DYNLT5: variants seen among roughly 807,000 people sequenced by gnomAD.
DYNLT5 encodes the protein dynein light chain Tctex-type 5.
DYNLT5 carries 25 observed loss-of-function variants against 19.3 expected under a neutral mutation model. The observed-to-expected ratio is 1.30, with a 90% CI of 0.95 to 1.81. The LOEUF (loss-of-function observed/expected upper bound fraction) is 1.81, where lower values mean the gene tolerates loss of function less well. Ranked by LOEUF, DYNLT5 falls within the 40% of genes most tolerant of loss-of-function variation. DYNLT5 has a pLI of 0.00. For synonymous variants in DYNLT5, 82 were observed against 68.9 expected, an observed-to-expected ratio of 1.19 and a Z score of -0.94; for missense variants, 232 against 217.9, an observed-to-expected ratio of 1.06 and a Z score of -0.41.
At chr1:66,774,357 G>A (rs1398977076) in intron 3 of DYNLT5, among the ~76,000 whole-genome samples, 8 of 152,146 alleles carry the variant, frequency 5.3e-5, no homozygotes, top group Non-Finnish European at 1.0e-4. Flanking sequence ...AATCAACCAT[G>A]CCCTAGGCTT....
chr1:66,771,911 T>C (rs115478860), intron 3 of DYNLT5, among the ~76,000 whole-genome samples: 2,097 of 152,322 alleles, frequency 0.014, 44 homozygotes, highest in African/African-American at 0.047. Context: ...TGAACCACAT[T>C]AGAAAAGTAA....
chr1:66,766,412 T>C (rs552193316), intron 2 of DYNLT5, among the ~76,000 whole-genome samples: 1 of 152,314 alleles, frequency 6.6e-6, no homozygotes, highest in Non-Finnish European at 1.5e-5. Flanking sequence ...ACTTTTTGGG[T>C]ATCTCACATA....
intron 1 of DYNLT5, 132 bp downstream of exon 1, chr1:66,752,716 A>C: frequency 5.9e-6 from 3 of 504,518 alleles, no homozygotes; most frequent in Non-Finnish European, 7.7e-6. Context: ...TCTCCCCAAC[A>C]CATAAGAAAA....
intron 2 of DYNLT5, among the ~76,000 whole-genome samples, chr1:66,760,213 T>C (rs565671096): frequency 6.6e-6 from 1 of 152,328 alleles, no homozygotes; most frequent in Admixed American, 6.5e-5. Context: ...TTTGCTTGTT[T>C]AGTATTTTAT....
At chr1:66,761,044 C>G (rs2094645192) in intron 2 of DYNLT5, among the ~76,000 whole-genome samples, 1 of 152,192 alleles carries the variant, frequency 6.6e-6, no homozygotes, top group Admixed American at 6.5e-5. Flanking sequence ...TTGTCATGTT[C>G]CTGCCTCTTT....
chr1:66,774,237 AC>A (rs2150868583), intron 3 of DYNLT5, among the ~76,000 whole-genome samples: 1 of 152,222 alleles, frequency 6.6e-6, no homozygotes, highest in East Asian at 1.9e-4. Flanking sequence ...TCACATGGTA[AC>A]TTTTGCCACC....
intron 2 of DYNLT5, among the ~76,000 whole-genome samples, chr1:66,763,860 G>T (rs2150862982): frequency 6.6e-6 from 1 of 152,294 alleles, no homozygotes; most frequent in Middle Eastern, 3.4e-3. Flanking sequence ...TATCATTCAT[G>T]TGTTCACGGA....
At chr1:66,775,825 G>A (rs1645231298) in intron 3 of DYNLT5, among the ~76,000 whole-genome samples, 1 of 152,202 alleles carries the variant, frequency 6.6e-6, no homozygotes, top group South Asian at 2.1e-4. Context: ...GAGCCTGTGA[G>A]GCTGGAGCAG....
intron 2 of DYNLT5, among the ~76,000 whole-genome samples, chr1:66,762,161 A>G (rs188287243): frequency 6.6e-6 from 1 of 152,302 alleles, no homozygotes; most frequent in Non-Finnish European, 1.5e-5. Context: ...TAACCATTTT[A>G]AATTTTATGT....
rs75128813 is a variant in DYNLT5 at position 66,756,913 on chromosome 1, C to T, written c.119+2136C>T. 1.1e-3 allele frequency among the ~76,000 whole-genome samples: 160 copies of T among 152,334 alleles called. 3 individuals carry two copies. In the East Asian group the frequency reaches 0.028, roughly 26 times the overall value. ...CCGACTCCTTGCCTGCAATGCTCTTCTTACACTATTCCCCTGGCTTTCTTC... is the reference window on the plus strand; with the variant it reads ...CCGACTCCTTGCCTGCAATGCTCTTTTTACACTATTCCCCTGGCTTTCTTC... On this transcript the variant is annotated intron_variant, in intron 2 of 4. Coordinates refer to ENST00000282670, the MANE Select transcript of DYNLT5 (RefSeq NM_152665.3).
chr1:66,777,156 C>A, intron 4 of DYNLT5, 95 bp from the exon 5 acceptor site: 3 of 1,025,978 alleles, frequency 2.9e-6, no homozygotes, highest in Non-Finnish European at 4.3e-6. Flanking sequence ...ATGCATCATG[C>A]TATTAAATTA....
chr1:66,776,549 G>A, intron 4 of DYNLT5, 146 bp downstream of exon 4: 13 of 666,012 alleles, frequency 2.0e-5, no homozygotes, highest in South Asian at 3.2e-5. Flanking sequence ...CTACATATAT[G>A]TGTGTGTGTG....
chr1:66,777,585 G>T lies in DYNLT5; in HGVS notation c.*131G>T, dbSNP rs1265304595. On this transcript the variant is annotated 3_prime_UTR_variant, in exon 5 of 5. Transcript: ENST00000282670. ...ATATTTCAAGCAACTGGAAGCTTTT[G>T]AATTTTTTCATATTCTAGTAAAGAT... 4 of 732,058 alleles carry T rather than the reference G, an allele frequency of 5.5e-6. No homozygotes were observed. The highest frequency in any genetic ancestry group is 6.3e-6 in the Non-Finnish European group (3 of 476,686). 45.3% of individuals were successfully genotyped at this position (732,058 alleles called of 1,614,324 possible).
chr1:66,776,551 G>A, intron 4 of DYNLT5, 148 bp downstream of exon 4: 2 of 643,316 alleles, frequency 3.1e-6, no homozygotes, highest in Non-Finnish European at 4.5e-6. Flanking sequence ...ACATATATGT[G>A]TGTGTGTGGG....
chr1:66,768,533 T>C (rs1196954261), intron 2 of DYNLT5: 1 of 152,242 alleles, frequency 6.6e-6, no homozygotes, highest in Non-Finnish European at 1.5e-5. Context: ...GCTGCCCTTA[T>C]GACATTTACC....
chr1:66,753,971 G>A lies in DYNLT5; in HGVS notation c.-3-685G>A, dbSNP rs1462115568. Among the ~76,000 whole-genome samples the A allele has an allele frequency of 3.3e-5, 5 of 150,650 alleles. No individual in the cohort carries two copies. The East Asian group carries it at 9.8e-4, about 30-fold the overall frequency. On this transcript the variant is annotated intron_variant, in intron 1 of 4. Coordinates refer to ENST00000282670, the MANE Select transcript of DYNLT5 (RefSeq NM_152665.3). ...GTCTCTAAAATAATAAAATAGGCCAGGTAGAGTGGCTCATGCCTGTAATCC... is the reference window on the plus strand; with the variant it reads ...GTCTCTAAAATAATAAAATAGGCCAAGTAGAGTGGCTCATGCCTGTAATCC...
intron 2 of DYNLT5, among the ~76,000 whole-genome samples, chr1:66,756,521 G>GA (rs1248071727): frequency 6.6e-6 from 1 of 152,116 alleles, no homozygotes; most frequent in Non-Finnish European, 1.5e-5. Context: ...ACTTTCATTT[G>GA]AAAATTACTT....
chr1:66,776,232 G>A (rs1248057990), intron 3 of DYNLT5, 47 bp from the exon 4 acceptor site: 2 of 1,598,620 alleles, frequency 1.3e-6, no homozygotes, highest in South Asian at 2.3e-5. Context: ...GTGGGTGGGT[G>A]TGATTTGAAA....
intron 2 of DYNLT5, among the ~76,000 whole-genome samples, chr1:66,769,850 G>A (rs978501188): frequency 3.9e-5 from 6 of 151,994 alleles, no homozygotes; most frequent in Non-Finnish European, 5.9e-5. Context: ...GGTGAATTGC[G>A]GTTTCCTCTA....
Sources: allele counts gnomAD v4.1 joint callset (sites outside exome capture counted in the v4.1 genomes callset), GRCh38; gene constraint gnomAD v4.1.1; transcripts MANE v1.5; gene names NCBI Gene and HGNC (gene_info 2026-07-23, HGNC 2026-07-21).